The following GHR variants were observed in gnomAD, a reference collection of about 807,000 sequenced individuals.
The protein encoded by GHR is growth hormone receptor, also known as GH receptor.
GHR carries 35 observed loss-of-function variants against 67.1 expected under a neutral mutation model. The ratio of observed to expected loss-of-function variants is 0.52; its 90% CI spans 0.40 to 0.69. The LOEUF (loss-of-function observed/expected upper bound fraction) is 0.69. Ranked by LOEUF, GHR falls within the 30% of genes least tolerant of loss-of-function variation. The pLI, the probability that GHR is intolerant of heterozygous loss-of-function variation, is 0.00. For synonymous variants in GHR, 272 were observed against 269.1 expected (o/e 1.01, Z -0.10); for missense variants, 792 against 764.6 (o/e 1.04, Z -0.42).
At chr5:42,443,630 G>T (rs977568502) in intron 1 of GHR, among the ~76,000 whole-genome samples, 2 of 152,042 alleles carry the variant, frequency 1.3e-5, no homozygotes, top group Non-Finnish European at 2.9e-5. Context: ...GTGTGTGTGT[G>T]TAGATTTATT....
At chr5:42,577,822 G>A (rs999551499) in intron 2 of GHR, among the ~76,000 whole-genome samples, 3 of 152,140 alleles carry the variant, frequency 2.0e-5, no homozygotes, top group South Asian at 2.1e-4. Context: ...TCCTGTCTGC[G>A]TCCAACAGTT....
At chr5:42,679,200 A>G (rs1352158900) in intron 3 of GHR, among the ~76,000 whole-genome samples, 2 of 146,128 alleles carry the variant, frequency 1.4e-5, no homozygotes, top group African/African-American at 2.5e-5. Flanking sequence ...TATATTAATA[A>G]CATACTATTA....
intron 1 of GHR, among the ~76,000 whole-genome samples, chr5:42,455,035 G>A (rs932034845): frequency 3.3e-5 from 5 of 152,126 alleles, no homozygotes; most frequent in Non-Finnish European, 4.4e-5. Context: ...CCCTGGGTTT[G>A]AGCTGGAGAC....
chr5:42,570,730 A>T (rs1750249271), intron 2 of GHR, among the ~76,000 whole-genome samples: 1 of 152,216 alleles, frequency 6.6e-6, no homozygotes, highest in African/African-American at 2.4e-5. Context: ...AGGAGCTCAC[A>T]GTCTTTAGAA....
chr5:42,680,720 G>T (rs1756819526), intron 3 of GHR, among the ~76,000 whole-genome samples: 1 of 151,930 alleles, frequency 6.6e-6, no homozygotes, highest in Non-Finnish European at 1.5e-5. Flanking sequence ...GGACAGGCTG[G>T]CCTCGAACTC....
chr5:42,534,863 G>A (rs539294775), intron 1 of GHR, among the ~76,000 whole-genome samples: 1 of 152,108 alleles, frequency 6.6e-6, no homozygotes, highest in East Asian at 1.9e-4. Context: ...CATCCTTGCA[G>A]GAGCAACATG....
At chr5:42,514,093 C>A (rs1182814047) in intron 1 of GHR, 2 of 984,024 alleles carry the variant, frequency 2.0e-6, no homozygotes, top group Admixed American at 1.2e-4. Flanking sequence ...AAATGAGCAA[C>A]TTCTTTAACC....
chr5:42,465,855 C>T (rs1045854379), intron 1 of GHR: 2 of 746,134 alleles, frequency 2.7e-6, no homozygotes, highest in African/African-American at 3.5e-5. Flanking sequence ...ATCAGTCTAT[C>T]AACTGAAAAT....
chr5:42,429,887 A>G (rs1743016598), intron 1 of GHR, among the ~76,000 whole-genome samples: 1 of 152,184 alleles, frequency 6.6e-6, no homozygotes, highest in South Asian at 2.1e-4. Context: ...GCAATCAGGC[A>G]TTTATTGAAG....
chr5:42,568,299 TTAGC>T (rs1290754612), intron 2 of GHR, among the ~76,000 whole-genome samples: 1 of 152,154 alleles, frequency 6.6e-6, no homozygotes, highest in Non-Finnish European at 1.5e-5. Context: ...CGTTATTGTG[TTAGC>T]TAAAGTGTTG....
intron 1 of GHR, among the ~76,000 whole-genome samples, chr5:42,459,220 G>A (rs1455776515): frequency 1.3e-5 from 2 of 152,054 alleles, no homozygotes; most frequent in Non-Finnish European, 2.9e-5. Flanking sequence ...TTTCACTGTG[G>A]CACTATAACA....
chr5:42,702,772 C>A (rs1355637066), intron 6 of GHR, among the ~76,000 whole-genome samples: 2 of 151,916 alleles, frequency 1.3e-5, no homozygotes, highest in Non-Finnish European at 2.9e-5. Flanking sequence ...CTTCTGTGAG[C>A]TGATAGCTCA....
chr5:42,509,747 C>T (rs1231643430), intron 1 of GHR, among the ~76,000 whole-genome samples: 23 of 147,464 alleles, frequency 1.6e-4, no homozygotes, highest in South Asian at 8.5e-4. Context: ...TTTTTTTACA[C>T]GTCTACCTCT....
At chr5:42,467,503 G>C in intron 1 of GHR, 1 of 1,114,480 alleles carries the variant, frequency 9.0e-7, no homozygotes, top group Non-Finnish European at 1.4e-6. Flanking sequence ...CTGGTGCCGA[G>C]CAAGTTGTGA....
At chr5:42,493,566 T>C (rs2112204873) in intron 1 of GHR, among the ~76,000 whole-genome samples, 1 of 152,316 alleles carries the variant, frequency 6.6e-6, no homozygotes, top group South Asian at 2.1e-4. Flanking sequence ...TAATGGGTCA[T>C]GCATTATCTA....
At chr5:42,489,946 C>T (rs72753091) in intron 1 of GHR, among the ~76,000 whole-genome samples, 3,304 of 150,016 alleles carry the variant, frequency 0.022, 54 homozygotes, top group Non-Finnish European at 0.031. Flanking sequence ...GTAAAGAAGA[C>T]GAGAAAAAAA....
intron 1 of GHR, among the ~76,000 whole-genome samples, chr5:42,507,189 G>C (rs1226906697): frequency 6.6e-6 from 1 of 152,184 alleles, no homozygotes; most frequent in East Asian, 1.9e-4. Context: ...CAGCTTTGTT[G>C]TCAGAATGAT....
At chr5:42,525,114 G>C (rs1747649740) in intron 1 of GHR, among the ~76,000 whole-genome samples, 1 of 152,174 alleles carries the variant, frequency 6.6e-6, no homozygotes, top group South Asian at 2.1e-4. Flanking sequence ...GAGGGCCACT[G>C]TCCTCCAGAC....
intron 3 of GHR, among the ~76,000 whole-genome samples, chr5:42,655,391 C>G (rs1165129145): frequency 6.6e-6 from 1 of 152,080 alleles, no homozygotes; most frequent in Non-Finnish European, 1.5e-5. Context: ...TTAGATAAAC[C>G]TGAGGAAGAT....
Sources: gnomAD v4.1 joint callset for allele counts (sites outside exome capture counted in the v4.1 genomes callset) on GRCh38, gnomAD v4.1.1 for gene constraint, MANE v1.5 for transcripts, NCBI Gene and HGNC (gene_info 2026-07-23, HGNC 2026-07-21) for gene names.